Variants in CCDC40 observed in about 807,000 individuals in gnomAD.
CCDC40 encodes the protein coiled-coil domain-containing protein 40.
A neutral mutation model predicts 124.5 loss-of-function variants in CCDC40; 104 were observed. That is an observed-to-expected ratio of 0.84 (90% confidence interval 0.71 to 0.98). The LOEUF (loss-of-function observed/expected upper bound fraction) is 0.98. Ranked by LOEUF, CCDC40 falls within the 50% of genes least tolerant of loss-of-function variation. The pLI, the probability that CCDC40 is intolerant of heterozygous loss-of-function variation, is 0.00. For missense variants in CCDC40, 1,463 were observed against 1,503.9 expected, an observed-to-expected ratio of 0.97 and a Z score of 0.45; for synonymous variants, 580 against 602.9, an observed-to-expected ratio of 0.96 and a Z score of 0.56.
intron 7 of CCDC40, among the ~76,000 whole-genome samples, chr17:80,054,175 A>G (rs1016965729): frequency 5.9e-5 from 9 of 152,204 alleles, no homozygotes; most frequent in Non-Finnish European, 1.3e-4. Context: ...TAAATGACCA[A>G]TAAACCTTAC....
intron 19 of CCDC40, among the ~76,000 whole-genome samples, chr17:80,099,079 G>A (rs1473407520): frequency 2.7e-5 from 4 of 150,290 alleles, no homozygotes; most frequent in African/African-American, 7.4e-5. Flanking sequence ...TCAGGAGATC[G>A]AGACCATCCT....
chr17:80,092,392 A>G (rs1386426090), intron 17 of CCDC40, among the ~76,000 whole-genome samples: 1 of 152,068 alleles, frequency 6.6e-6, no homozygotes, highest in Non-Finnish European at 1.5e-5. Context: ...ACATCATGAT[A>G]TATTTCCTCA....
rs996988576 is a variant in CCDC40 at position 80,087,472 on chromosome 17, G to A, written c.2450-135G>A. ...GACGAGATTCAGGCAGGAGCGCCAG[G>A]AACGACAAGAGGGAGGGGATGAAGG... On this transcript the variant is annotated intron_variant, in intron 14 of 19. Coordinates refer to ENST00000397545, the MANE Select transcript of CCDC40 (RefSeq NM_017950.4). The surrounding 1 kb of genome is among the most constrained non-coding windows in gnomAD (Gnocchi z 4.5). The A allele has an allele frequency of 6.4e-5, 47 of 731,758 alleles. No homozygotes were observed. The highest frequency in any genetic ancestry group is 2.3e-4 in the African/African-American group (13 of 57,444). 45.3% of individuals were successfully genotyped at this position (731,758 alleles called of 1,614,324 possible).
intron 9 of CCDC40, among the ~76,000 whole-genome samples, chr17:80,062,165 G>A (rs572969558): frequency 6.6e-5 from 10 of 152,214 alleles, no homozygotes; most frequent in Admixed American, 3.9e-4. Context: ...GCTCATCACC[G>A]TGTTGTGTCA....
chr17:80,039,867 C>G lies in CCDC40; in HGVS notation c.149C>G (p.Thr50Arg). The G allele has an allele frequency of 6.2e-7, 1 of 1,613,808 alleles. No homozygotes were observed. The highest frequency in any genetic ancestry group is 1.1e-5 in the South Asian group (1 of 91,068). ...GQKGEEAVGS[T>R]EHPEEVTTQA... The stretch of plus-strand genomic sequence containing the variant: ...AAAGGTGAAGAAGCTGTCGGTAGCA[C>G]AGAGCATCCTGAGGAAGTCACAACC... The change falls in exon 3 of 20, where the codon ACA becomes AGA. Residue 50 changes from threonine (T) to arginine (R), a missense_variant. Physicochemically the swap from Thr to Arg is moderately conservative, Grantham distance 71. Coordinates refer to ENST00000397545, the MANE Select transcript of CCDC40 (RefSeq NM_017950.4).
intron 10 of CCDC40, among the ~76,000 whole-genome samples, chr17:80,076,796 A>C (rs1379213095): frequency 6.6e-6 from 1 of 151,216 alleles, no homozygotes; most frequent in African/African-American, 2.4e-5. Context: ...CCCAGGCTGG[A>C]GTGCAGTGGT....
rs2143647873 is a variant in CCDC40, at chr17:80,058,417, TG to T, written c.1160-74del. On this transcript the variant is annotated intron_variant, in intron 7 of 19. Transcript: ENST00000397545. This position sits in a 1 kb window ranked among gnomAD's most constrained non-coding sequence, Gnocchi z 4.2. ...AGAACGGCTGTTCCCTGCTTCCTCC[TG>T]GGTCTCTGCATGGGGGACGCTGGGA... is the stretch of plus-strand genomic sequence containing the variant. 2 of 1,399,746 alleles carry T rather than the reference TG, an allele frequency of 1.4e-6. No individual in the cohort carries two copies. The highest frequency in any genetic ancestry group is 1.7e-5 in the Admixed American group (1 of 59,408). The allele number at this position is 1,399,746 out of a possible 1,614,324, so 86.7% of individuals were successfully genotyped here. A position where few individuals can be genotyped will look rare whatever the true frequency, so the allele number is the denominator to read the frequency against.
chr17:80,078,357 A>G (rs1465051381), intron 10 of CCDC40, among the ~76,000 whole-genome samples: 2 of 151,848 alleles, frequency 1.3e-5, no homozygotes, highest in African/African-American at 4.8e-5. Context: ...AAAGGAAAGA[A>G]AAAGAAATGT....
chr17:80,095,156 C>A, intron 17 of CCDC40, 107 bp from the exon 18 acceptor site: 1 of 1,031,778 alleles, frequency 9.7e-7, no homozygotes, highest in Non-Finnish European at 1.5e-6. Flanking sequence ...CCCCGCCGAT[C>A]CCCATGCGTG....
Position 80,088,072 on chromosome 17 carries a change from C to T in CCDC40, c.2681C>T (p.Ala894Val), listed in dbSNP as rs762199616. The change falls in exon 16 of 20, where the codon GCG becomes GTG. Residue 894 changes from alanine to valine, a missense_variant. Ala to Val is a moderately conservative substitution (Grantham distance 64). Transcript: ENST00000397545. Reference sequence around the variant, plus strand: ...CTGAACCAGCTCAGCGAGGAGAAGGCGACCCTCCTGAATCAACTGGTGGAA... The same window carrying T: ...CTGAACCAGCTCAGCGAGGAGAAGGTGACCCTCCTGAATCAACTGGTGGAA... ...DKLNQLSEEK[A>V]TLLNQLVEAE... is the part of the protein sequence containing the mutation. 1.9e-6 allele frequency: 3 copies of T among 1,613,490 alleles called. No individual in the cohort carries two copies. Among genetic ancestry groups the T allele is most frequent in the East Asian group, 2.2e-5 (1 of 44,860 alleles).
chr17:80,081,509 T>C (rs1306218508), intron 10 of CCDC40, 37 bp from the exon 11 acceptor site: 3 of 1,612,806 alleles, frequency 1.9e-6, no homozygotes, highest in Non-Finnish European at 2.5e-6. Flanking sequence ...CTCTGATGTC[T>C]CACACGTAAC....
intron 2 of CCDC40, 70 bp downstream of exon 2, chr17:80,038,256 C>A: frequency 9.7e-7 from 1 of 1,028,764 alleles, no homozygotes; most frequent in Non-Finnish European, 1.5e-6. Context: ...AGAGTACGGG[C>A]ACTGTGGCTC....
chr17:80,088,885 A>G (rs1485759669), intron 16 of CCDC40, among the ~76,000 whole-genome samples: 1 of 152,062 alleles, frequency 6.6e-6, no homozygotes, highest in African/African-American at 2.4e-5. Context: ...GAGTCTGTCT[A>G]CCCCCCTTGG....
In CCDC40 at chr17:80,089,900, C is replaced by T. The variant is rs374995456; in HGVS notation, c.2832+16C>T. ...CAGGATGAAGGTGAGGGGAGGAGAG[C>T]GGCGTGGCAGGGCCTGCTGGGTGCC... On this transcript the variant is annotated intron_variant, in intron 17 of 19. Coordinates refer to ENST00000397545, the MANE Select transcript of CCDC40 (RefSeq NM_017950.4). 48 of 1,613,654 alleles carry T rather than the reference C, an allele frequency of 3.0e-5. 1 individual carries two copies. The South Asian group carries it at 4.5e-4, about 15-fold the overall frequency.
intron 3 of CCDC40, among the ~76,000 whole-genome samples, chr17:80,046,233 C>G (rs551440867): frequency 2.0e-5 from 3 of 152,240 alleles, no homozygotes; most frequent in Admixed American, 6.5e-5. Flanking sequence ...AACTCTCCCC[C>G]GCCCAGGGAA....
At chr17:80,075,141 T>C (rs938652647) in intron 10 of CCDC40, among the ~76,000 whole-genome samples, 15 of 152,094 alleles carry the variant, frequency 9.9e-5, no homozygotes, top group African/African-American at 3.6e-4. Context: ...GCCAGGCTGG[T>C]CTTGAACTCC....
chr17:80,072,881 C>T (rs2038225584), intron 10 of CCDC40, among the ~76,000 whole-genome samples: 1 of 152,170 alleles, frequency 6.6e-6, no homozygotes, highest in Admixed American at 6.5e-5. Context: ...CTGTGGCTGT[C>T]CTGAAAAGAT....
At chr17:80,085,163 T>A (rs929308174) in intron 13 of CCDC40, among the ~76,000 whole-genome samples, 175 bp downstream of exon 13, 21 of 152,222 alleles carry the variant, frequency 1.4e-4, no homozygotes, top group African/African-American at 5.1e-4. Context: ...AAGTCACATT[T>A]TTCTGCACAA....
chr17:80,037,687 AAAG>A (rs1462305543), intron 1 of CCDC40, among the ~76,000 whole-genome samples: 3 of 80,608 alleles, frequency 3.7e-5, no homozygotes, highest in African/African-American at 1.5e-4. Flanking sequence ...ATTTTTTAAA[AAAG>A]ATATACATAT....
Sources: allele counts gnomAD v4.1 joint callset (sites outside exome capture counted in the v4.1 genomes callset), GRCh38; gene constraint gnomAD v4.1.1; non-coding constraint Gnocchi (gnomAD v3.1); transcripts MANE v1.5; gene names NCBI Gene and HGNC (gene_info 2026-07-23, HGNC 2026-07-21).